Variants in GABRB3 observed in about 807,000 individuals in gnomAD.
GABRB3 encodes the protein gamma-aminobutyric acid type A receptor subunit beta3.
GABRB3 carries 14 observed loss-of-function variants against 52.1 expected under a neutral mutation model. The ratio of observed to expected loss-of-function variants is 0.27; its 90% CI spans 0.18 to 0.42. The LOEUF is 0.42. Among genes scored for constraint, GABRB3 ranks in the 10% least tolerant of loss-of-function variants. GABRB3 has a pLI of 1.00. For synonymous variants in GABRB3, 260 were observed against 232.3 expected, an observed-to-expected ratio of 1.12 and a Z score of -1.08; for missense variants, 307 against 609.1, an observed-to-expected ratio of 0.50 and a Z score of 5.22.
At chr15:26,563,058 T>C (rs1325934240) in intron 7 of GABRB3, among the ~76,000 whole-genome samples, 1 of 152,148 alleles carries the variant, frequency 6.6e-6, no homozygotes, top group Non-Finnish European at 1.5e-5. Flanking sequence ...ATTCAAAAAG[T>C]TTGTAATGTT....
intron 4 of GABRB3, among the ~76,000 whole-genome samples, chr15:26,602,460 AT>A (rs1225015425): frequency 6.6e-6 from 1 of 152,100 alleles, no homozygotes; most frequent in Non-Finnish European, 1.5e-5. Context: ...CAGAATACAC[AT>A]TTTTCTTCTC....
chr15:26,677,756 A>C (rs1888113842), intron 3 of GABRB3, among the ~76,000 whole-genome samples: 1 of 152,200 alleles, frequency 6.6e-6, no homozygotes, highest in South Asian at 2.1e-4. Context: ...TTAACTCATG[A>C]AAATGCTTTA....
chr15:26,675,040 T>C (rs1888024434), intron 3 of GABRB3, among the ~76,000 whole-genome samples: 1 of 152,178 alleles, frequency 6.6e-6, no homozygotes. Context: ...ATCAAGCTAG[T>C]GGGCCTTCCT....
intron 3 of GABRB3, among the ~76,000 whole-genome samples, chr15:26,689,521 C>A (rs1376009796): frequency 6.6e-6 from 1 of 152,126 alleles, no homozygotes; most frequent in Non-Finnish European, 1.5e-5. Flanking sequence ...CAAGGAGAAA[C>A]ATTACACTTC....
At chr15:26,700,415 T>C (rs1440812835) in intron 3 of GABRB3, among the ~76,000 whole-genome samples, 1 of 152,216 alleles carries the variant, frequency 6.6e-6, no homozygotes, top group Non-Finnish European at 1.5e-5. Flanking sequence ...TTAATATCAA[T>C]TCTATGTAAA....
chr15:26,592,248 G>A (rs979534005), intron 4 of GABRB3, among the ~76,000 whole-genome samples: 8 of 152,232 alleles, frequency 5.3e-5, no homozygotes, highest in South Asian at 4.2e-4. Flanking sequence ...ACAATTAGGC[G>A]TAACAAATGG....
upstream of GABRB3, among the ~76,000 whole-genome samples, chr15:26,773,429 G>A (rs1239448768): frequency 4.6e-5 from 7 of 151,366 alleles, no homozygotes; most frequent in East Asian, 5.9e-4. Flanking sequence ...CTCGGCGGCC[G>A]GGCGAGTGCG....
At chr15:26,584,171 T>C (rs1254246035) in intron 4 of GABRB3, among the ~76,000 whole-genome samples, 1 of 152,204 alleles carries the variant, frequency 6.6e-6, no homozygotes, top group Non-Finnish European at 1.5e-5. Context: ...TTAGCTATAG[T>C]CACCATATTG....
At chr15:26,605,223 C>T (rs1891742808) in intron 4 of GABRB3, among the ~76,000 whole-genome samples, 1 of 152,120 alleles carries the variant, frequency 6.6e-6, no homozygotes, top group South Asian at 2.1e-4. Context: ...TACCATCTCA[C>T]CCCAGTTAAA....
In GABRB3 at chr15:26,546,645, G is replaced by GT. The variant is rs1347221652; in HGVS notation, c.*1147dup. 6.6e-6 allele frequency: 1 copy of GT among 152,464 alleles called. No individual in the cohort carries two copies. Among genetic ancestry groups the GT allele is most frequent in the Non-Finnish European group, 1.5e-5 (1 of 68,002 alleles). The allele number at this position is 152,464 out of a possible 1,614,324, so 9.4% of individuals were successfully genotyped here. A position where few individuals can be genotyped will look rare whatever the true frequency, so the allele number is the denominator to read the frequency against. On this transcript the variant is annotated 3_prime_UTR_variant, in exon 9 of 9. Transcript: ENST00000311550. ...GTTTCTGAAATTGAACAGTAGAAGT[G>GT]TTTTAGCTTCAATCTTAATTTCTAG...
At chr15:26,593,138 A>G (rs2140762421) in intron 4 of GABRB3, among the ~76,000 whole-genome samples, 1 of 152,314 alleles carries the variant, frequency 6.6e-6, no homozygotes, top group East Asian at 1.9e-4. Flanking sequence ...AGTAGAAAGG[A>G]GAGGGCAAAC....
At chr15:26,707,196 A>G (rs1889131188) in intron 3 of GABRB3, among the ~76,000 whole-genome samples, 1 of 152,156 alleles carries the variant, frequency 6.6e-6, no homozygotes. Context: ...TGCACTGAGC[A>G]CTGTGGATAA....
chr15:26,678,401 C>T (rs934064298), intron 3 of GABRB3, among the ~76,000 whole-genome samples: 4 of 152,194 alleles, frequency 2.6e-5, no homozygotes, highest in Non-Finnish European at 4.4e-5. Flanking sequence ...ACTAACACAC[C>T]TGACTGCAGA....
intron 3 of GABRB3, among the ~76,000 whole-genome samples, chr15:26,766,804 G>A (rs1483774728): frequency 3.9e-5 from 6 of 152,016 alleles, no homozygotes; most frequent in African/African-American, 1.2e-4. Context: ...TCAAACTAAA[G>A]ACAACATACC....
chr15:26,600,084 A>C (rs1891534188), intron 4 of GABRB3, among the ~76,000 whole-genome samples: 1 of 152,078 alleles, frequency 6.6e-6, no homozygotes, highest in Non-Finnish European at 1.5e-5. Context: ...AAAGACTACA[A>C]TGATTGAACT....
chr15:26,771,127 A>G (rs1891131963), intron 3 of GABRB3, among the ~76,000 whole-genome samples: 1 of 152,236 alleles, frequency 6.6e-6, no homozygotes, highest in Admixed American at 6.5e-5. Flanking sequence ...TAAGATCCTT[A>G]GTGGTAGGTA....
chr15:26,621,430 C>T lies in GABRB3; in HGVS notation c.345G>A (p.Gln115=). 6.2e-7 allele frequency: 1 copy of T among 1,614,188 alleles called. No homozygotes were observed. Among genetic ancestry groups the T allele is most frequent in the South Asian group, 1.1e-5 (1 of 91,080 alleles). Residue 115 remains glutamine (Q), a synonymous_variant, in exon 4 of 9, where the codon CAG becomes CAA. Transcript: ENST00000311550. This position sits in a 1 kb window ranked among gnomAD's most constrained non-coding sequence, Gnocchi z 4.1. ...NLTLDNRVAD[Q]LWVPDTYFLN... Reference sequence around the variant, plus strand: ...AGAAATATGTGTCGGGCACCCATAGCTGGTCAGCCACTCGATTGTCAAGCG... The same window carrying T: ...AGAAATATGTGTCGGGCACCCATAGTTGGTCAGCCACTCGATTGTCAAGCG...
chr15:26,716,514 G>C, intron 3 of GABRB3: 4 of 810,186 alleles, frequency 4.9e-6, no homozygotes, highest in Non-Finnish European at 6.0e-6. Context: ...GGGGGTTTGA[G>C]CAATGTGTGC....
Position 26,547,544 on chromosome 15 carries a change from T to G in GABRB3, c.*249A>C. ...TGTCCATAGCTGCAAAATGTATATATGTATGTGTATTTGTCTTCCATACAC... is the reference window on the plus strand; with the variant it reads ...TGTCCATAGCTGCAAAATGTATATAGGTATGTGTATTTGTCTTCCATACAC... On this transcript the variant is annotated 3_prime_UTR_variant, in exon 9 of 9. Transcript: ENST00000311550. 3.4e-6 allele frequency: 2 copies of G among 584,668 alleles called. No homozygotes were observed. The highest frequency in any genetic ancestry group is 6.1e-6 in the Non-Finnish European group (2 of 330,476). 36.2% of individuals were successfully genotyped at this position (584,668 alleles called of 1,614,324 possible).
Sources: allele counts gnomAD v4.1 joint callset (sites outside exome capture counted in the v4.1 genomes callset), GRCh38; gene constraint gnomAD v4.1.1; non-coding constraint Gnocchi (gnomAD v3.1); transcripts MANE v1.5; gene names NCBI Gene and HGNC (gene_info 2026-07-23, HGNC 2026-07-21).